Variants in SLC39A11 observed in about 807,000 individuals in gnomAD.
The protein encoded by SLC39A11 is zinc transporter ZIP11.
SLC39A11 carries 33 observed loss-of-function variants against 36.1 expected under a neutral mutation model. That is an observed-to-expected ratio of 0.91 (90% confidence interval 0.69 to 1.22). SLC39A11 has a LOEUF of 1.22. Ranked by LOEUF, SLC39A11 falls within the 50% of genes most tolerant of loss-of-function variation. The pLI is 0.00. For missense variants in SLC39A11, 432 were observed against 430.3 expected (o/e 1.00, Z -0.03); for synonymous variants, 166 against 170.3 (o/e 0.97, Z 0.20).
intron 5 of SLC39A11, among the ~76,000 whole-genome samples, chr17:72,930,559 A>C (rs934259360): frequency 6.6e-6 from 1 of 152,152 alleles, no homozygotes; most frequent in Non-Finnish European, 1.5e-5. Flanking sequence ...AATCTTCTTT[A>C]CTCCCTGGCT....
intron 4 of SLC39A11, among the ~76,000 whole-genome samples, chr17:72,950,480 G>A (rs1281523867): frequency 1.3e-5 from 2 of 152,164 alleles, no homozygotes; most frequent in East Asian, 3.8e-4. Context: ...TATGCCACGG[G>A]CCATGGAGTC....
chr17:73,091,779 C>A (rs908454881), intron 1 of SLC39A11: 2 of 152,252 alleles, frequency 1.3e-5, no homozygotes, highest in African/African-American at 4.8e-5. Context: ...ATTCTCTGAC[C>A]GTTCCAACTT....
chr17:72,942,832 C>T (rs762697514), intron 5 of SLC39A11, among the ~76,000 whole-genome samples: 33 of 152,134 alleles, frequency 2.2e-4, no homozygotes, highest in Admixed American at 1.1e-3. Context: ...CTAAGCCCCA[C>T]ACATTATGTC....
intron 5 of SLC39A11, among the ~76,000 whole-genome samples, chr17:72,942,875 TG>T (rs1387626252): frequency 1.3e-5 from 2 of 152,162 alleles, no homozygotes; most frequent in African/African-American, 4.8e-5. Flanking sequence ...GCCTAGCCAG[TG>T]TGAAAACCCA....
At chr17:72,722,939 C>A (rs2073761191) in intron 7 of SLC39A11, among the ~76,000 whole-genome samples, 1 of 152,064 alleles carries the variant, frequency 6.6e-6, no homozygotes, top group African/African-American at 2.4e-5. Flanking sequence ...CCTGGCTGCA[C>A]TTTCTAGAAG....
chr17:72,678,798 C>G (rs1390401099), intron 7 of SLC39A11, among the ~76,000 whole-genome samples: 1 of 152,160 alleles, frequency 6.6e-6, no homozygotes, highest in Non-Finnish European at 1.5e-5. Flanking sequence ...CCTAATCTCT[C>G]AGAGACGACA....
At chr17:72,665,389 GTTTTTT>G (rs780329919) in intron 7 of SLC39A11, among the ~76,000 whole-genome samples, 2 of 76,636 alleles carry the variant, frequency 2.6e-5, no homozygotes, top group East Asian at 7.3e-4. Context: ...GTTTTGAGGT[GTTTTTT>G]TTTTTTTTTT....
At chr17:72,731,581 G>C (rs1304452264) in intron 7 of SLC39A11, among the ~76,000 whole-genome samples, 1 of 151,816 alleles carries the variant, frequency 6.6e-6, no homozygotes, top group Non-Finnish European at 1.5e-5. Context: ...ATTAGCTTTA[G>C]GTCTACAGAA....
At chr17:72,652,529 G>A (rs114731092) in intron 7 of SLC39A11, among the ~76,000 whole-genome samples, 1 of 152,142 alleles carries the variant, frequency 6.6e-6, no homozygotes, top group East Asian at 1.9e-4. Flanking sequence ...CAGTAAGCAC[G>A]TAATCAATGC....
At chr17:72,958,884 A>G (rs912454299) in intron 4 of SLC39A11, among the ~76,000 whole-genome samples, 2 of 151,658 alleles carry the variant, frequency 1.3e-5, no homozygotes, top group Non-Finnish European at 2.9e-5. Context: ...AAAAAAGAAG[A>G]TACACAAATG....
intron 4 of SLC39A11, among the ~76,000 whole-genome samples, chr17:72,986,253 T>A (rs1255736351): frequency 6.6e-6 from 1 of 152,190 alleles, no homozygotes; most frequent in East Asian, 1.9e-4. Context: ...GCTGTGGAGC[T>A]AGCTTTGAAA....
intron 4 of SLC39A11, among the ~76,000 whole-genome samples, chr17:72,968,348 T>C (rs1019224822): frequency 6.6e-6 from 1 of 152,224 alleles, no homozygotes; most frequent in Non-Finnish European, 1.5e-5. Flanking sequence ...AGTAGCTGCA[T>C]GACGATCTCT....
At chr17:72,921,841 G>A (rs774678694) in intron 5 of SLC39A11, among the ~76,000 whole-genome samples, 3 of 152,140 alleles carry the variant, frequency 2.0e-5, no homozygotes, top group Non-Finnish European at 2.9e-5. Flanking sequence ...GCTATGACAT[G>A]CCATTGGTTG....
chr17:73,059,159 G>C (rs975430720), intron 3 of SLC39A11, among the ~76,000 whole-genome samples: 1 of 152,052 alleles, frequency 6.6e-6, no homozygotes, highest in African/African-American at 2.4e-5. Context: ...TTGGCATCTT[G>C]GTTTTGTACA....
At chr17:73,070,173 A>C (rs928310303) in intron 3 of SLC39A11, among the ~76,000 whole-genome samples, 2 of 152,250 alleles carry the variant, frequency 1.3e-5, no homozygotes, top group African/African-American at 4.8e-5. Flanking sequence ...ATGAGAGCCA[A>C]GGAGCCAGGC....
intron 6 of SLC39A11, among the ~76,000 whole-genome samples, chr17:72,745,388 G>A (rs1216481071): frequency 2.0e-5 from 3 of 152,182 alleles, no homozygotes; most frequent in African/African-American, 7.2e-5. Context: ...AGCAATGAGA[G>A]GGGCTTCTAA....
chr17:72,966,004 C>T (rs954264972), intron 4 of SLC39A11, among the ~76,000 whole-genome samples: 12 of 152,252 alleles, frequency 7.9e-5, no homozygotes, highest in Non-Finnish European at 1.6e-4. Context: ...CCAACCCCTC[C>T]CCATAAGTTT....
At chr17:72,773,933 C>T (rs2076045623) in intron 6 of SLC39A11, among the ~76,000 whole-genome samples, 1 of 152,188 alleles carries the variant, frequency 6.6e-6, no homozygotes, top group Admixed American at 6.5e-5. Flanking sequence ...ACAGATGAGC[C>T]TGGACTGGGA....
chr17:72,909,757 T>TTTA (rs776707893), intron 5 of SLC39A11, among the ~76,000 whole-genome samples: 7 of 110,712 alleles, frequency 6.3e-5, no homozygotes, highest in Non-Finnish European at 1.4e-4. Flanking sequence ...TTTCTTTTTT[T>TTTA]TTTTTTGAGA....
Sources: gnomAD v4.1 joint callset for allele counts (sites outside exome capture counted in the v4.1 genomes callset) on GRCh38, gnomAD v4.1.1 for gene constraint, MANE v1.5 for transcripts, NCBI Gene and HGNC (gene_info 2026-07-23, HGNC 2026-07-21) for gene names.